EHMT1: variants seen among roughly 807,000 people sequenced by gnomAD.
EHMT1 encodes the protein euchromatic histone lysine methyltransferase 1.
Under a neutral mutation model 147.2 loss-of-function variants are expected in EHMT1, and 15 were observed. That is an observed-to-expected ratio of 0.10 (90% CI 0.07 to 0.16). The LOEUF is 0.16. Ranked by LOEUF, EHMT1 falls within the 10% of genes least tolerant of loss-of-function variation. The pLI is 1.00. For synonymous variants in EHMT1, 795 were observed against 709.6 expected, an observed-to-expected ratio of 1.12 and a Z score of -1.91; for missense variants, 1,587 against 1,772.4, an observed-to-expected ratio of 0.90 and a Z score of 1.88.
At position 137,834,820 on chromosome 9, in the gene EHMT1, G is replaced by C. The variant is rs767674231; in HGVS notation, c.3764G>C (p.Ser1255Thr). 3 of 1,612,148 alleles carry C rather than the reference G, an allele frequency of 1.9e-6. No homozygotes were observed. The highest frequency in any genetic ancestry group is 1.3e-5 in the African/African-American group (1 of 75,020). The change falls in exon 27 of 27, where the codon AGC (serine) becomes ACC (threonine). Residue 1255 changes from serine (S) to threonine (T), a missense_variant. By Grantham distance (58) the Ser-to-Thr change is moderately conservative. This residue lies in a region of EHMT1 where 141 missense variants were observed against 150.8 expected (regional missense o/e 0.94). Transcript: ENST00000460843. ...TGGGACATCAAAGGCAAGCTCTTCA[G>C]CTGCCGCTGCGGCTCCCCCAAGTGC... ...RFWDIKGKLFSCRCGSPKCRH... is the reference protein window; with the variant it reads ...RFWDIKGKLFTCRCGSPKCRH...
chr9:137,800,545 G>A (rs997088554), intron 17 of EHMT1: 9 of 355,750 alleles, frequency 2.5e-5, no homozygotes, highest in African/African-American at 1.7e-4. Flanking sequence ...CCGTGTGTGT[G>A]CCATTAGACT....
In EHMT1 at chr9:137,777,896, C is replaced by T; in HGVS notation, c.2033C>T (p.Pro678Leu). Residue 678 changes from proline to leucine, a missense_variant, in exon 13 of 27, where the codon CCA becomes CTA. Pro to Leu is a moderately conservative substitution (Grantham distance 98). This residue lies in a region of EHMT1 where 77 missense variants were observed against 79.3 expected (regional missense o/e 0.97). Coordinates refer to ENST00000460843, the MANE Select transcript of EHMT1 (RefSeq NM_024757.5). ...CTCCCCTGAAGTGCTGCCGGGCCAC[C>T]ACTCTCGGAGGACGACAAGCTGCAG... Reference protein sequence around the residue: ...DTTTGSAAGPPLSEDDKLQGA... With the variant: ...DTTTGSAAGPLLSEDDKLQGA... The T allele has an allele frequency of 2.5e-6, 4 of 1,613,390 alleles. No individual in the cohort carries two copies. The highest frequency in any genetic ancestry group is 3.4e-6 in the Non-Finnish European group (4 of 1,180,034).
intron 14 of EHMT1, among the ~76,000 whole-genome samples, chr9:137,780,947 A>C (rs1477501256): frequency 1.8e-5 from 2 of 109,696 alleles, no homozygotes; most frequent in Non-Finnish European, 1.8e-5. Flanking sequence ...CATCACTGAG[A>C]TGTGTGGTGA....
At chr9:137,649,475 CA>C (rs1160934858) in intron 1 of EHMT1, among the ~76,000 whole-genome samples, 7 of 151,866 alleles carry the variant, frequency 4.6e-5, no homozygotes, top group African/African-American at 1.5e-4. Flanking sequence ...AACAAACAAA[CA>C]AACAAACAAA....
intron 16 of EHMT1, among the ~76,000 whole-genome samples, chr9:137,798,032 G>T (rs1482119504): frequency 6.6e-6 from 1 of 152,198 alleles, no homozygotes; most frequent in East Asian, 1.9e-4. Flanking sequence ...GGTTTGATAG[G>T]TGTGATCTAT....
intron 3 of EHMT1, among the ~76,000 whole-genome samples, chr9:137,723,395 A>T (rs1588379924): frequency 9.4e-6 from 1 of 106,848 alleles, no homozygotes. Flanking sequence ...TCTGGGCCTG[A>T]GCCCGGGGTG....
rs955237489 is a variant in EHMT1, at chr9:137,700,384, C to A, written c.22-10583C>A. Among the ~76,000 whole-genome samples, 20 of 152,290 alleles carry A rather than the reference C, an allele frequency of 1.3e-4. 1 individual carries two copies. Among genetic ancestry groups the A allele is most frequent in the Admixed American group, 4.6e-4 (7 of 15,296 alleles). On this transcript the variant is annotated intron_variant, in intron 1 of 26. Transcript: ENST00000460843. Reference sequence around the variant, plus strand: ...AGTTTTTGTGTCTATCTGAACCCACCAATTAACATTTAAGGAAAAAACTTC... The same window carrying A: ...AGTTTTTGTGTCTATCTGAACCCACAAATTAACATTTAAGGAAAAAACTTC...
chr9:137,706,002 C>A (rs540287766), intron 1 of EHMT1, among the ~76,000 whole-genome samples: 1 of 151,048 alleles, frequency 6.6e-6, no homozygotes, highest in East Asian at 2.0e-4. Flanking sequence ...CTGGAGTGGA[C>A]CTGGACCCTT....
chr9:137,738,490 C>CAA lies in EHMT1; in HGVS notation c.824-4876_824-4875dup, dbSNP rs1947753744. The stretch of plus-strand genomic sequence containing the variant: ...AACGGTGCATCTGCTGTGAAAAACT[C>CAA]AAAAAACTAAGTGTGGAACTACCAT... On this transcript the variant is annotated intron_variant, in intron 4 of 26. Transcript: ENST00000460843. 2.0e-5 allele frequency: 3 copies of CAA among 152,132 alleles called. No individual in the cohort carries two copies. The South Asian group carries it at 6.2e-4, about 31-fold the overall frequency. The allele number at this position is 152,132 out of a possible 1,614,324, so 9.4% of individuals were successfully genotyped here. A position where few individuals can be genotyped will look rare whatever the true frequency, so the allele number is the denominator to read the frequency against.
At chr9:137,771,600 G>C (rs115725299) in intron 10 of EHMT1, among the ~76,000 whole-genome samples, 2 of 152,066 alleles carry the variant, frequency 1.3e-5, no homozygotes, top group East Asian at 1.9e-4. Context: ...AGCTTCTTTC[G>C]TCTTAGCTCA....
intron 10 of EHMT1, among the ~76,000 whole-genome samples, chr9:137,771,351 CA>C (rs1309636642): frequency 1.3e-5 from 2 of 152,028 alleles, no homozygotes; most frequent in Non-Finnish European, 2.9e-5. Flanking sequence ...AGGTGCTCGC[CA>C]CCATGCCTGG....
intron 14 of EHMT1, among the ~76,000 whole-genome samples, chr9:137,781,887 C>T (rs1951584248): frequency 6.6e-6 from 1 of 152,236 alleles, no homozygotes; most frequent in Admixed American, 6.5e-5. Flanking sequence ...TCCTCTCAGA[C>T]CTCCTGGGAA....
chr9:137,691,325 A>AT (rs1491466657), intron 1 of EHMT1, among the ~76,000 whole-genome samples: 53 of 149,184 alleles, frequency 3.6e-4, no homozygotes, highest in African/African-American at 5.4e-4. Context: ...ATATATATAT[A>AT]AAATATATTT....
intron 1 of EHMT1, among the ~76,000 whole-genome samples, chr9:137,706,209 C>T (rs1387638301): frequency 6.6e-6 from 1 of 152,140 alleles, no homozygotes; most frequent in Non-Finnish European, 1.5e-5. Context: ...GGTTGGGGCT[C>T]CTGAGGGAAA....
intron 1 of EHMT1, among the ~76,000 whole-genome samples, chr9:137,685,605 T>G (rs916358207): frequency 3.3e-5 from 5 of 152,212 alleles, no homozygotes; most frequent in African/African-American, 9.6e-5. Context: ...CTGGATCATG[T>G]GGTACTTCTG....
chr9:137,832,012 G>T (rs902036862), intron 25 of EHMT1, among the ~76,000 whole-genome samples: 1 of 145,592 alleles, frequency 6.9e-6, no homozygotes, highest in Non-Finnish European at 1.5e-5. Flanking sequence ...CGCCTCCTAC[G>T]TGGCCGCTGC....
At chr9:137,720,326 C>G (rs982359255) in intron 3 of EHMT1, among the ~76,000 whole-genome samples, 2 of 151,688 alleles carry the variant, frequency 1.3e-5, no homozygotes, top group Admixed American at 1.3e-4. Context: ...TTTTTTAAGA[C>G]AGGATCTCAC....
At chr9:137,803,398 C>G (rs1406896714) in intron 18 of EHMT1, 1 of 708,662 alleles carries the variant, frequency 1.4e-6, no homozygotes, top group Non-Finnish European at 1.7e-6. Flanking sequence ...CCCCTGCCAC[C>G]CATTGCTGGG....
chr9:137,814,614 G>A (rs1019498049), intron 22 of EHMT1, 106 bp downstream of exon 22: 78 of 1,345,050 alleles, frequency 5.8e-5, no homozygotes, highest in East Asian at 1.9e-4. Flanking sequence ...TGGCAGCGTC[G>A]GGAAGGAGTT....
Sources: gnomAD v4.1 joint callset for allele counts (sites outside exome capture counted in the v4.1 genomes callset) on GRCh38, gnomAD v4.1.1 for gene constraint, gnomAD v4.1.1 regional missense constraint, MANE v1.5 for transcripts, NCBI Gene and HGNC (gene_info 2026-07-23, HGNC 2026-07-21) for gene names.